SULF1: variants seen among roughly 807,000 people sequenced by gnomAD.
The protein encoded by SULF1 is extracellular sulfatase Sulf-1.
SULF1 carries 46 observed loss-of-function variants against 110.5 expected under a neutral mutation model. The ratio of observed to expected loss-of-function variants is 0.42; its 90% confidence interval spans 0.33 to 0.53. The LOEUF (loss-of-function observed/expected upper bound fraction) is 0.53. Among genes scored for constraint, SULF1 ranks in the 20% least tolerant of loss-of-function variants. The pLI is 0.12. For missense variants in SULF1, 941 were observed against 1,094.2 expected (o/e 0.86, Z 1.98); for synonymous variants, 371 against 387.1 (o/e 0.96, Z 0.49).
intron 1 of SULF1, among the ~76,000 whole-genome samples, chr8:69,474,744 A>G (rs1421632206): frequency 2.0e-5 from 3 of 152,210 alleles, no homozygotes; most frequent in Admixed American, 2.0e-4. Context: ...TATGGACCCA[A>G]TATCAAACAG....
intron 21 of SULF1, among the ~76,000 whole-genome samples, chr8:69,640,483 C>T (rs558576794): frequency 6.6e-6 from 1 of 152,286 alleles, no homozygotes; most frequent in South Asian, 2.1e-4. Context: ...CTAAAAATAA[C>T]CAAAATTTAA....
intron 2 of SULF1, among the ~76,000 whole-genome samples, chr8:69,500,140 T>C (rs894068538): frequency 6.6e-6 from 1 of 152,200 alleles, no homozygotes; most frequent in African/African-American, 2.4e-5. Context: ...AAATGTCTTT[T>C]GATTGCAAAT....
chr8:69,470,057 C>A (rs867431214), intron 1 of SULF1, among the ~76,000 whole-genome samples: 12 of 151,470 alleles, frequency 7.9e-5, no homozygotes, highest in East Asian at 1.9e-4. Flanking sequence ...ACAAAAAAAA[C>A]CATAAAGCAA....
intron 3 of SULF1, among the ~76,000 whole-genome samples, chr8:69,531,800 C>G (rs1813101907): frequency 6.6e-6 from 1 of 152,032 alleles, no homozygotes; most frequent in South Asian, 2.1e-4. Context: ...CTGGAATTTC[C>G]AAGACGACCT....
Position 69,563,610 on chromosome 8 carries a change from A to G in SULF1, c.-62A>G. The G allele has an allele frequency of 5.6e-6, 1 of 179,252 alleles. No individual in the cohort carries two copies. The highest frequency in any genetic ancestry group is 1.2e-5 in the Non-Finnish European group (1 of 84,764). 11.1% of individuals were successfully genotyped at this position (179,252 alleles called of 1,614,324 possible). A position where few individuals can be genotyped will look rare whatever the true frequency, so the allele number is the denominator to read the frequency against. On this transcript the variant is annotated splice_region_variant and 5_prime_UTR_variant, in exon 4 of 23. Coordinates refer to ENST00000402687, the MANE Select transcript of SULF1 (RefSeq NM_001128205.2). ...TTATTCAACCAGGATACCTAATTCA[A>G]GGTATTAGCTCTCGTCAGAAAGCTT... is the stretch of plus-strand genomic sequence containing the variant.
intron 16 of SULF1, 131 bp from the exon 17 acceptor site, chr8:69,627,641 G>T: frequency 1.4e-6 from 1 of 702,090 alleles, no homozygotes; most frequent in Non-Finnish European, 2.5e-6. Context: ...TGCCCAGTTT[G>T]TTTCTATGTT....
chr8:69,623,175 T>C (rs1586574123), intron 14 of SULF1, among the ~76,000 whole-genome samples: 2 of 99,672 alleles, frequency 2.0e-5, no homozygotes, highest in South Asian at 7.2e-4. Context: ...CTCTGCCAGG[T>C]ATAAAAGTGA....
chr8:69,566,099 G>C (rs929257441), intron 5 of SULF1, among the ~76,000 whole-genome samples: 1 of 151,732 alleles, frequency 6.6e-6, no homozygotes, highest in Non-Finnish European at 1.5e-5. Flanking sequence ...TTCCACCATA[G>C]CCTTCCATGC....
intron 1 of SULF1, among the ~76,000 whole-genome samples, chr8:69,480,142 A>G (rs1458216055): frequency 6.6e-6 from 1 of 152,212 alleles, no homozygotes; most frequent in Non-Finnish European, 1.5e-5. Flanking sequence ...GCATTTTTTA[A>G]CATACACTTA....
In SULF1 at chr8:69,559,502, A is replaced by T. The variant is rs543978789; in HGVS notation, c.-133-4037A>T. Reference sequence around the variant, plus strand: ...GCCAAGTGTAGTATACAAGTTTTCCAGAATTCTAATTTTAACTTGAAAGGT... The same window carrying T: ...GCCAAGTGTAGTATACAAGTTTTCCTGAATTCTAATTTTAACTTGAAAGGT... On this transcript the variant is annotated intron_variant, in intron 3 of 22. Coordinates refer to ENST00000402687, the MANE Select transcript of SULF1 (RefSeq NM_001128205.2). 3.3e-5 allele frequency among the ~76,000 whole-genome samples: 5 copies of T among 152,352 alleles called. No individual in the cohort carries two copies. In the South Asian group the frequency reaches 1.0e-3, roughly 32 times the overall value.
At chr8:69,477,760 C>T (rs990274743) in intron 1 of SULF1, among the ~76,000 whole-genome samples, 1 of 152,156 alleles carries the variant, frequency 6.6e-6, no homozygotes, top group Non-Finnish European at 1.5e-5. Context: ...ATCTCTTTGC[C>T]TGCATTCTGC....
chr8:69,474,924 G>T lies in SULF1; in HGVS notation c.-391+7974G>T, dbSNP rs536329196. Among the ~76,000 whole-genome samples, 7 of 152,264 alleles carry T rather than the reference G, an allele frequency of 4.6e-5. No individual in the cohort carries two copies. In the South Asian group the frequency reaches 1.4e-3, roughly 32 times the overall value. On this transcript the variant is annotated intron_variant, in intron 1 of 22. Transcript: ENST00000260128. Reference sequence around the variant, plus strand: ...CACAAAACACAAAAGCTACATTTTTGTTCCAAGATGGCAAAAGACATGGCT... The same window carrying T: ...CACAAAACACAAAAGCTACATTTTTTTTCCAAGATGGCAAAAGACATGGCT...
chr8:69,494,314 G>C (rs1026395511), intron 1 of SULF1, among the ~76,000 whole-genome samples: 4 of 151,986 alleles, frequency 2.6e-5, no homozygotes, highest in African/African-American at 4.8e-5. Flanking sequence ...TATCTATCTA[G>C]TGCTCAGTAT....
At position 69,546,154 on chromosome 8, in the gene SULF1, G is replaced by A. The variant is rs145862379; in HGVS notation, c.-133-17385G>A. Among the ~76,000 whole-genome samples, 494 of 152,294 alleles carry A rather than the reference G, an allele frequency of 3.2e-3. 3 individuals carry two copies. Among genetic ancestry groups the A allele is most frequent in the African/African-American group, 0.011 (450 of 41,554 alleles). ...TTGGGATCTTGTTCTAAATAAAGAA[G>A]ACAATGAATGATGAGGTAGGCAATT... On this transcript the variant is annotated intron_variant, in intron 3 of 22. Transcript: ENST00000402687.
chr8:69,615,737 C>T (rs1213721835), intron 13 of SULF1, among the ~76,000 whole-genome samples: 1 of 152,068 alleles, frequency 6.6e-6, no homozygotes, highest in Non-Finnish European at 1.5e-5. Flanking sequence ...AAGGAAACAC[C>T]TTTTCCCTTC....
At chr8:69,631,397 CATCCTGCT>C (rs1449628432) in intron 19 of SULF1, among the ~76,000 whole-genome samples, 2 of 152,160 alleles carry the variant, frequency 1.3e-5, no homozygotes, top group Non-Finnish European at 1.5e-5. Flanking sequence ...CTCACCAGTC[CATCCTGCT>C]CAGAGGAGCT....
chr8:69,604,928 G>A lies in SULF1; in HGVS notation c.1373G>A (p.Gly458Glu), dbSNP rs148982651. 1.6e-5 allele frequency: 26 copies of A among 1,613,994 alleles called. No homozygotes were observed. In the African/African-American group the frequency reaches 3.2e-4, roughly 20 times the overall value. The change falls in exon 13 of 23, where the codon GGG becomes GAG. Residue 458 changes from glycine (G) to glutamate (E), a missense_variant. Physicochemically the swap from Gly to Glu is moderately conservative, Grantham distance 98 (BLOSUM62 -2). Coordinates refer to ENST00000402687, the MANE Select transcript of SULF1 (RefSeq NM_001128205.2). The stretch of plus-strand genomic sequence containing the variant: ...TACCAGACAGCCTGTGAACAACCGG[G>A]GCAGGTGAGTGACGCAGGCTTTCTT... The part of the protein sequence containing the change: ...ARYQTACEQP[G>E]QKWQCIEDTS...
At chr8:69,540,366 G>GT (rs1813776901) in intron 3 of SULF1, among the ~76,000 whole-genome samples, 1 of 152,210 alleles carries the variant, frequency 6.6e-6, no homozygotes, top group Non-Finnish European at 1.5e-5. Context: ...TTTATAAAAT[G>GT]TTTCACTCAT....
At chr8:69,550,469 A>C (rs1391080767) in intron 3 of SULF1, among the ~76,000 whole-genome samples, 8 of 152,180 alleles carry the variant, frequency 5.3e-5, no homozygotes, top group Non-Finnish European at 1.2e-4. Flanking sequence ...TCAGGAGAAC[A>C]AAAAGAAAAA....
Sources: allele counts gnomAD v4.1 joint callset (sites outside exome capture counted in the v4.1 genomes callset), GRCh38; gene constraint gnomAD v4.1.1; transcripts MANE v1.5; gene names NCBI Gene and HGNC (gene_info 2026-07-23, HGNC 2026-07-21).